The following ACTN2 variants were observed in gnomAD, a reference collection of about 807,000 sequenced individuals.
The protein encoded by ACTN2 is alpha-actinin-2.
A neutral mutation model predicts 113.8 loss-of-function variants in ACTN2; 39 were observed. The observed-to-expected ratio is 0.34, with a 90% CI of 0.27 to 0.45. The LOEUF is 0.45. Among genes scored for constraint, ACTN2 ranks in the 20% least tolerant of loss-of-function variants. The probability of loss-of-function intolerance (pLI) is 1.00; values close to 1 mark genes in which losing one functional copy is unlikely to be tolerated. For missense variants in ACTN2, 992 were observed against 1,177.9 expected (o/e 0.84, Z 2.31); for synonymous variants, 429 against 444.1 (o/e 0.97, Z 0.43).
chr1:236,721,022 G>GTTTTTTTTTTTTTTT (rs869077774), intron 4 of ACTN2, among the ~76,000 whole-genome samples: 21 of 66,500 alleles, frequency 3.2e-4, no homozygotes, highest in Admixed American at 4.9e-4. Flanking sequence ...TTTGTTTTTT[G>GTTTTTTTTTTTTTTT]TTTTTTTTTT....
intron 1 of ACTN2, among the ~76,000 whole-genome samples, chr1:236,699,709 C>T (rs377760608): frequency 1.3e-5 from 2 of 152,056 alleles, no homozygotes; most frequent in African/African-American, 4.8e-5. Context: ...TTTGAAATGG[C>T]AGTACTGAGA....
chr1:236,688,370 T>C (rs1665949038), intron 1 of ACTN2, among the ~76,000 whole-genome samples: 1 of 150,698 alleles, frequency 6.6e-6, no homozygotes. Flanking sequence ...CAGTGCTTTC[T>C]GTTGCCTTTT....
chr1:236,704,160 G>A (rs146507722), intron 1 of ACTN2, among the ~76,000 whole-genome samples: 2 of 152,246 alleles, frequency 1.3e-5, no homozygotes, highest in Admixed American at 6.5e-5. Flanking sequence ...CAAGGGAAGC[G>A]TACTGTAATT....
chr1:236,694,852 G>T (rs1657433197), intron 1 of ACTN2, among the ~76,000 whole-genome samples: 1 of 151,740 alleles, frequency 6.6e-6, no homozygotes, highest in Non-Finnish European at 1.5e-5. Flanking sequence ...GTCTCTTGAG[G>T]CTAGGAGTTA....
At chr1:236,710,653 C>T (rs1389890854) in intron 1 of ACTN2, among the ~76,000 whole-genome samples, 1 of 152,178 alleles carries the variant, frequency 6.6e-6, no homozygotes, top group South Asian at 2.1e-4. Flanking sequence ...CTGTTAGGAA[C>T]CGGGCTGCAC....
At chr1:236,725,281 A>G (rs1658515296) in intron 4 of ACTN2, among the ~76,000 whole-genome samples, 1 of 152,162 alleles carries the variant, frequency 6.6e-6, no homozygotes, top group South Asian at 2.1e-4. Context: ...TCTGGTCCGA[A>G]TAATAGGTGC....
chr1:236,733,509 C>T (rs560975938), intron 7 of ACTN2, among the ~76,000 whole-genome samples: 3 of 152,310 alleles, frequency 2.0e-5, no homozygotes, highest in South Asian at 2.1e-4. Context: ...TACTTTTCTT[C>T]GTCTTTCCCT....
At chr1:236,696,605 A>C (rs1657508408) in intron 1 of ACTN2, among the ~76,000 whole-genome samples, 1 of 151,722 alleles carries the variant, frequency 6.6e-6, no homozygotes, top group Non-Finnish European at 1.5e-5. Context: ...GACCATTTTG[A>C]CCTCCAAAAA....
At position 236,726,026 on chromosome 1, in the gene ACTN2, C is replaced by G. The variant is rs771398006; in HGVS notation, c.536+6C>G. ...ATTCAGAACTTCCATACTAGGTGAG[C>G]ACCCAGGGCCCCTGGTCCTTGTATT... On this transcript the variant is annotated splice_donor_region_variant and intron_variant, in intron 5 of 20. Coordinates refer to ENST00000366578, the MANE Select transcript of ACTN2 (RefSeq NM_001103.4). 1.7e-5 allele frequency: 27 copies of G among 1,612,230 alleles called. No homozygotes were observed. The highest frequency in any genetic ancestry group is 2.2e-5 in the Non-Finnish European group (26 of 1,178,366).
intron 1 of ACTN2, 21 bp from the exon 2 acceptor site, chr1:236,717,837 C>T (rs375496879): frequency 5.2e-5 from 80 of 1,547,276 alleles, no homozygotes; most frequent in Admixed American, 2.7e-4. Flanking sequence ...TGTGCTAAAC[C>T]GTGTTTGGTT....
intron 18 of ACTN2, among the ~76,000 whole-genome samples, chr1:236,758,707 C>T (rs1659621741): frequency 6.6e-6 from 1 of 151,832 alleles, no homozygotes; most frequent in South Asian, 2.1e-4. Context: ...GCAACCTCCA[C>T]CTCCCAGGTT....
rs397516583 is a variant in ACTN2, at chr1:236,735,690, C to T, written c.753C>T (p.Cys251=). The change falls in exon 8 of 21, where the codon TGC becomes TGT. Residue 251 remains cysteine, a synonymous_variant. Transcript: ENST00000366578. ...DERAIMTYVS[C]FYHAFAGAEQ... ...GAGCCATCATGACGTACGTCTCTTG[C>T]TTCTACCACGCTTTTGCGGGCGCGG... 1.9e-6 allele frequency: 3 copies of T among 1,614,126 alleles called. No individual in the cohort carries two copies. The highest frequency in any genetic ancestry group is 2.5e-6 in the Non-Finnish European group (3 of 1,180,056).
intron 1 of ACTN2, among the ~76,000 whole-genome samples, chr1:236,695,563 T>TCTC (rs1657467279): frequency 6.0e-5 from 6 of 100,782 alleles, no homozygotes; most frequent in African/African-American, 8.2e-5. Flanking sequence ...TGAAATGAGT[T>TCTC]CCCCCCCCCT....
chr1:236,698,836 G>T (rs1206285352), intron 1 of ACTN2, among the ~76,000 whole-genome samples: 1 of 152,156 alleles, frequency 6.6e-6, no homozygotes, highest in Non-Finnish European at 1.5e-5. Context: ...TCCAGGCACT[G>T]TTTTAACCTT....
In ACTN2 at chr1:236,739,343, C is replaced by A. The variant is rs148646265; in HGVS notation, c.918C>A (p.Asn306Lys). ...WIRRTIPWLE[N>K]RTPEKTMQAM... ...GTCGCACGATCCCCTGGCTGGAGAA[C>A]CGGACTCCCGAGAAGACCATGCAAG... The change falls in exon 10 of 21, where the codon AAC becomes AAA. Residue 306 changes from asparagine (N) to lysine (K), a missense_variant. By Grantham distance (94) the Asn-to-Lys change is moderately conservative. Around this residue, in one of 3 missense-constraint regions of ACTN2, gnomAD observed 736 missense variants for 815.4 expected, o/e 0.90. Transcript: ENST00000366578. The A allele has an allele frequency of 2.5e-6, 4 of 1,613,960 alleles. No individual in the cohort carries two copies. Among genetic ancestry groups the A allele is most frequent in the Non-Finnish European group, 2.5e-6 (3 of 1,180,010 alleles).
intron 1 of ACTN2, among the ~76,000 whole-genome samples, chr1:236,713,243 T>A (rs1459240566): frequency 6.6e-6 from 1 of 152,000 alleles, no homozygotes; most frequent in Non-Finnish European, 1.5e-5. Context: ...TTTTTTTCTT[T>A]TGAGACGGAG....
At chr1:236,740,556 A>T (rs2891794) in intron 10 of ACTN2, among the ~76,000 whole-genome samples, 3 of 150,808 alleles carry the variant, frequency 2.0e-5, no homozygotes, top group Non-Finnish European at 1.5e-5. Flanking sequence ...TTTTTGAGAC[A>T]GAGTCTCACT....
intron 12 of ACTN2, among the ~76,000 whole-genome samples, chr1:236,746,430 G>A (rs924446582): frequency 6.6e-6 from 1 of 152,092 alleles, no homozygotes; most frequent in African/African-American, 2.4e-5. Context: ...GCTTTAGGTT[G>A]GGTGCAGTGG....
At chr1:236,699,655 T>C (rs1657617351) in intron 1 of ACTN2, among the ~76,000 whole-genome samples, 1 of 152,180 alleles carries the variant, frequency 6.6e-6, no homozygotes, top group African/African-American at 2.4e-5. Flanking sequence ...TCTACAGGAA[T>C]GCCCTCTCAG....
Sources: gnomAD v4.1 joint callset for allele counts (sites outside exome capture counted in the v4.1 genomes callset) on GRCh38, gnomAD v4.1.1 for gene constraint, gnomAD v4.1.1 regional missense constraint, MANE v1.5 for transcripts, NCBI Gene and HGNC (gene_info 2026-07-23, HGNC 2026-07-21) for gene names.